Variants in TSPEAR observed in about 807,000 individuals in gnomAD.
TSPEAR encodes thrombospondin type laminin G domain and EAR repeats.
Under a neutral mutation model 71.6 loss-of-function variants are expected in TSPEAR, and 69 were observed. The ratio of observed to expected loss-of-function variants is 0.96; its 90% confidence interval spans 0.79 to 1.18. TSPEAR has a LOEUF of 1.18. Among genes scored for constraint, TSPEAR ranks in the 50% most tolerant of loss-of-function variants. The pLI, the probability that TSPEAR is intolerant of heterozygous loss-of-function variation, is 0.00. For synonymous variants in TSPEAR, 402 were observed against 387.2 expected, an observed-to-expected ratio of 1.04 and a Z score of -0.45; for missense variants, 971 against 894.9, an observed-to-expected ratio of 1.09 and a Z score of -1.09.
chr21:44,666,910 C>A (rs55914221), intron 1 of TSPEAR: 326,539 of 1,606,214 alleles, frequency 0.2, 34,037 homozygotes, highest in Non-Finnish European at 0.21. Flanking sequence ...TGGATAAGGT[C>A]GAGGCAGAGG....
At position 44,627,556 on chromosome 21, in the gene TSPEAR, G is replaced by C. The variant is rs369382210; in HGVS notation, c.83-59551C>G. ...CTGCCAACAGTCTAGCTACCAGCCA[G>C]CTTGCTGTGCCTCTTCCTCCTGCCA... On this transcript the variant is annotated intron_variant, in intron 1 of 11. Transcript: ENST00000323084. 1.5e-5 allele frequency: 25 copies of C among 1,613,138 alleles called. No homozygotes were observed. Among genetic ancestry groups the C allele is most frequent in the Non-Finnish European group, 1.8e-5 (21 of 1,179,838 alleles).
At chr21:44,677,416 G>T in intron 1 of TSPEAR, 1 of 1,026,790 alleles carries the variant, frequency 9.7e-7, no homozygotes, top group Non-Finnish European at 1.5e-6. Context: ...GCAATCGCCT[G>T]CAGAGTGACA....
chr21:44,653,011 A>G (rs587670556), intron 1 of TSPEAR, among the ~76,000 whole-genome samples: 1 of 151,874 alleles, frequency 6.6e-6, no homozygotes, highest in South Asian at 2.1e-4. Flanking sequence ...AAAAAAAATT[A>G]ACCAAGCGTG....
rs587733578 is a variant in TSPEAR at position 44,588,917 on chromosome 21, A to G, written c.83-20912T>C. 5.6e-3 allele frequency among the ~76,000 whole-genome samples: 845 copies of G among 151,902 alleles called. 10 individuals are homozygous for G. The highest frequency in any genetic ancestry group is 0.018 in the African/African-American group (724 of 41,354). The stretch of plus-strand genomic sequence containing the variant: ...ACTCAGGAATGGAAAACCAAACATC[A>G]TATGTTCTCACTCATAAGTGGAAGC... On this transcript the variant is annotated intron_variant, in intron 1 of 11. Coordinates refer to ENST00000323084, the MANE Select transcript of TSPEAR (RefSeq NM_144991.3).
chr21:44,647,360 T>C (rs1222662696), intron 1 of TSPEAR: 6 of 1,611,838 alleles, frequency 3.7e-6, no homozygotes, highest in Non-Finnish European at 5.1e-6. Context: ...TGCTGAGTGC[T>C]CAATCCTTGT....
rs566932945 is a variant in TSPEAR at position 44,689,089 on chromosome 21, G to A, written c.82+22344C>T. Among the ~76,000 whole-genome samples the A allele has an allele frequency of 5.0e-4, 76 of 152,230 alleles. 1 individual carries two copies. Among genetic ancestry groups the A allele is most frequent in the African/African-American group, 1.7e-3 (69 of 41,534 alleles). On this transcript the variant is annotated intron_variant, in intron 1 of 11. Coordinates refer to ENST00000323084, the MANE Select transcript of TSPEAR (RefSeq NM_144991.3). ...ACACACACAGCAAGAGAGGAGCCCG[G>A]GCAGCCCGGGACCACCCTCACCCCA...
At chr21:44,576,187 C>T (rs782379036) in intron 1 of TSPEAR, among the ~76,000 whole-genome samples, 3 of 152,196 alleles carry the variant, frequency 2.0e-5, no homozygotes, top group Non-Finnish European at 4.4e-5. Flanking sequence ...GGAACTCAGC[C>T]GCAGTGGAGG....
chr21:44,694,704 TGATA>T (rs1337652951), intron 1 of TSPEAR, among the ~76,000 whole-genome samples: 4 of 152,246 alleles, frequency 2.6e-5, no homozygotes, highest in Non-Finnish European at 5.9e-5. Flanking sequence ...ACACATGTAT[TGATA>T]AAGTCATAAT....
At chr21:44,529,245 G>C (rs1395560141) in intron 5 of TSPEAR, among the ~76,000 whole-genome samples, 1 of 152,216 alleles carries the variant, frequency 6.6e-6, no homozygotes, top group Non-Finnish European at 1.5e-5. Context: ...GGGCATTTCA[G>C]ATTCTCCATG....
In TSPEAR at chr21:44,551,224, A is replaced by G. The variant is rs2053425494; in HGVS notation, c.303+16561T>C. Reference sequence around the variant, plus strand: ...GGCTGGCAGCTAGACTGCTGGCAGCACGAGGGCGTGCAGGAGCTGGTGCAG... The same window carrying G: ...GGCTGGCAGCTAGACTGCTGGCAGCGCGAGGGCGTGCAGGAGCTGGTGCAG... On this transcript the variant is annotated intron_variant, in intron 2 of 11. Coordinates refer to ENST00000323084, the MANE Select transcript of TSPEAR (RefSeq NM_144991.3). 1.3e-6 allele frequency: 2 copies of G among 1,591,296 alleles called. No individual in the cohort carries two copies. The highest frequency in any genetic ancestry group is 2.7e-5 in the African/African-American group (2 of 74,060).
At chr21:44,606,462 G>A (rs1555929863) in intron 1 of TSPEAR, among the ~76,000 whole-genome samples, 1 of 152,178 alleles carries the variant, frequency 6.6e-6, no homozygotes, top group Non-Finnish European at 1.5e-5. Flanking sequence ...AAACAGTATA[G>A]CGGTTCCTCA....
chr21:44,558,741 G>C (rs782201613), intron 2 of TSPEAR: 3 of 1,575,722 alleles, frequency 1.9e-6, no homozygotes, highest in Admixed American at 1.7e-5. Flanking sequence ...AGGTGAGCTG[G>C]GGGAGACGTG....
intron 1 of TSPEAR, among the ~76,000 whole-genome samples, chr21:44,582,179 G>A (rs1050020918): frequency 1.3e-5 from 2 of 152,236 alleles, no homozygotes; most frequent in African/African-American, 4.8e-5. Flanking sequence ...CACGGCGCAG[G>A]TGCGGTCTCC....
At chr21:44,580,618 TGTGA>T (rs782434525) in intron 1 of TSPEAR, 26 of 1,571,658 alleles carry the variant, frequency 1.7e-5, no homozygotes, top group East Asian at 2.2e-5. Context: ...CTGGGGGAGG[TGTGA>T]GTGAGTGAGT....
intron 1 of TSPEAR, chr21:44,686,306 G>A (rs1213362494): frequency 6.5e-6 from 1 of 153,070 alleles, no homozygotes; most frequent in East Asian, 1.9e-4. Flanking sequence ...AGAGGGCAGA[G>A]GAGGAAAACC....
chr21:44,708,718 C>G (rs1418413411), intron 1 of TSPEAR, among the ~76,000 whole-genome samples: 1 of 152,038 alleles, frequency 6.6e-6, no homozygotes, highest in Non-Finnish European at 1.5e-5. Context: ...TCCTGCAGTC[C>G]CCTCCCCGAA....
intron 1 of TSPEAR, chr21:44,573,847 A>C (rs782725653): frequency 1.9e-6 from 3 of 1,614,140 alleles, no homozygotes; most frequent in Admixed American, 3.3e-5. Flanking sequence ...TGGCAGGTGG[A>C]CGACTGCCCA....
chr21:44,596,455 T>C (rs1392662665), intron 1 of TSPEAR, among the ~76,000 whole-genome samples: 1 of 152,262 alleles, frequency 6.6e-6, no homozygotes, highest in African/African-American at 2.4e-5. Flanking sequence ...TGTCTCCCGC[T>C]GTCTGGACAA....
intron 1 of TSPEAR, among the ~76,000 whole-genome samples, chr21:44,664,082 T>C (rs140190429): frequency 1.3e-3 from 195 of 152,298 alleles, no homozygotes; most frequent in African/African-American, 4.5e-3. Context: ...CTGCTATTTA[T>C]TACCATACTG....
Sources: allele counts gnomAD v4.1 joint callset (sites outside exome capture counted in the v4.1 genomes callset), GRCh38; gene constraint gnomAD v4.1.1; transcripts MANE v1.5; gene names NCBI Gene and HGNC (gene_info 2026-07-23, HGNC 2026-07-21).